Variants in SOX6 observed in about 807,000 individuals in gnomAD.
The protein encoded by SOX6 is SRY-box transcription factor 6.
In SOX6, 11 loss-of-function variants were observed where a neutral mutation model predicts 97.8. The ratio of observed to expected loss-of-function variants is 0.11; its 90% CI spans 0.07 to 0.19. The LOEUF (loss-of-function observed/expected upper bound fraction) is 0.19, where lower values mean the gene tolerates loss of function less well. Ranked by LOEUF, SOX6 falls within the 10% of genes least tolerant of loss-of-function variation. SOX6 has a pLI of 1.00. For synonymous variants in SOX6, 360 were observed against 371.4 expected (o/e 0.97, Z 0.35); for missense variants, 810 against 1,039.5 (o/e 0.78, Z 3.04).
At chr11:16,497,079 A>C (rs769818948) in intron 4 of SOX6, among the ~76,000 whole-genome samples, 3 of 152,160 alleles carry the variant, frequency 2.0e-5, no homozygotes, top group Admixed American at 6.5e-5. Flanking sequence ...GTAGGGGCAG[A>C]CTGACACCTC....
chr11:16,047,071 GT>G (rs1417295525), intron 11 of SOX6, among the ~76,000 whole-genome samples: 4 of 152,118 alleles, frequency 2.6e-5, no homozygotes, highest in Non-Finnish European at 5.9e-5. Flanking sequence ...GGAGGAAGGG[GT>G]TGAGGAGTGG....
chr11:16,273,223 A>T (rs957133605), intron 3 of SOX6, among the ~76,000 whole-genome samples: 5 of 151,972 alleles, frequency 3.3e-5, no homozygotes, highest in Admixed American at 3.3e-4. Flanking sequence ...AGAAATAGAG[A>T]TGATGTGCGT....
intron 1 of SOX6, among the ~76,000 whole-genome samples, chr11:16,453,866 G>A (rs1859764889): frequency 6.6e-6 from 1 of 152,100 alleles, no homozygotes; most frequent in African/African-American, 2.4e-5. Context: ...GCCACACATT[G>A]CTGAAATTAC....
chr11:16,402,252 C>A (rs1858578900), intron 1 of SOX6, among the ~76,000 whole-genome samples: 1 of 151,598 alleles, frequency 6.6e-6, no homozygotes, highest in Non-Finnish European at 1.5e-5. Context: ...ACTATTGCAG[C>A]AACATCTAAA....
At chr11:16,030,268 A>T (rs1009866921) in intron 12 of SOX6, among the ~76,000 whole-genome samples, 3 of 152,226 alleles carry the variant, frequency 2.0e-5, no homozygotes, top group Admixed American at 2.0e-4. Flanking sequence ...TAGGTTTGAA[A>T]TATTAGTCTT....
In SOX6 at chr11:16,546,497, G is replaced by C. The variant is rs530709313; in HGVS notation, n.609+65584C>G. 5.3e-5 allele frequency among the ~76,000 whole-genome samples: 8 copies of C among 152,156 alleles called. No homozygotes were observed. In the East Asian group the frequency reaches 1.5e-3, roughly 29 times the overall value. On this transcript the variant is annotated intron_variant and non_coding_transcript_variant, in intron 4 of 5. Transcript: ENST00000524520. ...CACTAATTTTCGACAAAGGTGCCAA[G>C]AACATGCACTGGGGAAAGGACACCC... is the stretch of plus-strand genomic sequence containing the variant.
At chr11:16,571,881 G>C (rs1309865825) in intron 4 of SOX6, among the ~76,000 whole-genome samples, 1 of 152,150 alleles carries the variant, frequency 6.6e-6, no homozygotes, top group African/African-American at 2.4e-5. Context: ...TCAAACTCCT[G>C]ACCTCAAGTG....
In SOX6 at chr11:16,049,936, A is replaced by T. The variant is rs201737129; in HGVS notation, c.1254T>A (p.Asp418Glu). The change falls in exon 11 of 16, where the codon GAT becomes GAA. Residue 418 changes from aspartate to glutamate, a missense_variant and splice_region_variant. This residue lies in a region of SOX6 where 244 missense variants were observed against 261.0 expected (regional missense o/e 0.93). Transcript: ENST00000683767. ...RGTSPVTQVK[D>E]EAAAQPLNLS... ...GATTCAGAGGCTGTGCTGCTGCTTC[A>T]TCCTACAAGAGTTTAACGTAAATAA... 1.2e-6 allele frequency: 2 copies of T among 1,613,708 alleles called. No individual in the cohort carries two copies. Among genetic ancestry groups the T allele is most frequent in the Non-Finnish European group, 1.7e-6 (2 of 1,179,724 alleles).
chr11:16,610,566 C>T lies in SOX6; in HGVS notation n.609+1515G>A, dbSNP rs1454872916. ...CGATGAACCTTCCGAAAAGGAGCCG[C>T]AGGAACCCCTTTTAGATTTTATCTA... On this transcript the variant is annotated intron_variant and non_coding_transcript_variant, in intron 4 of 5. Transcript: ENST00000524520. This position sits in a 1 kb window ranked among gnomAD's most constrained non-coding sequence, Gnocchi z 4.4. Among the ~76,000 whole-genome samples the T allele has an allele frequency of 6.6e-6, 1 of 152,178 alleles. No homozygotes were observed. Among genetic ancestry groups the T allele is most frequent in the African/African-American group, 2.4e-5 (1 of 41,432 alleles).
At chr11:16,019,161 G>A (rs1460760047) in intron 12 of SOX6, among the ~76,000 whole-genome samples, 1 of 152,108 alleles carries the variant, frequency 6.6e-6, no homozygotes, top group Admixed American at 6.6e-5. Context: ...TACCAAGACT[G>A]ACCAGTGTGT....
intron 3 of SOX6, among the ~76,000 whole-genome samples, chr11:16,277,035 T>A (rs1390290887): frequency 6.6e-6 from 1 of 152,158 alleles, no homozygotes; most frequent in Non-Finnish European, 1.5e-5. Context: ...CAAAGAACAC[T>A]TTAGTGGGAG....
chr11:16,388,151 G>C (rs556609315), intron 1 of SOX6, among the ~76,000 whole-genome samples: 2 of 152,136 alleles, frequency 1.3e-5, no homozygotes, highest in African/African-American at 4.8e-5. Flanking sequence ...AATTATTAAT[G>C]GGTGTGGTCA....
chr11:16,637,974 G>A (rs201561574), intron 3 of SOX6, among the ~76,000 whole-genome samples: 4 of 147,322 alleles, frequency 2.7e-5, no homozygotes, highest in Non-Finnish European at 6.0e-5. Context: ...CAGGTTTCTT[G>A]CATATGTATA....
At chr11:16,169,511 A>T (rs1031086926) in intron 6 of SOX6, among the ~76,000 whole-genome samples, 17 of 152,076 alleles carry the variant, frequency 1.1e-4, no homozygotes, top group Non-Finnish European at 1.2e-4. Flanking sequence ...AGTCTTTTTT[A>T]AAAAATATGA....
At chr11:16,005,553 C>G in intron 13 of SOX6, among the ~76,000 whole-genome samples, 1 of 151,926 alleles carries the variant, frequency 6.6e-6, no homozygotes, top group African/African-American at 2.4e-5. Flanking sequence ...TTTTCTTCTT[C>G]CCCACTAACA....
chr11:16,081,593 G>C (rs543346738), intron 9 of SOX6, among the ~76,000 whole-genome samples: 1 of 152,082 alleles, frequency 6.6e-6, no homozygotes, highest in African/African-American at 2.4e-5. Context: ...TATTTATGTC[G>C]CTATGCAGCT....
upstream of SOX6, among the ~76,000 whole-genome samples, chr11:16,359,784 A>T (rs1023085015): frequency 5.3e-5 from 8 of 152,198 alleles, no homozygotes; most frequent in Non-Finnish European, 8.8e-5. Context: ...AGTTATACTA[A>T]TAAAAATAAC....
intron 1 of SOX6, among the ~76,000 whole-genome samples, chr11:16,456,007 G>T (rs183907446): frequency 1.3e-5 from 2 of 151,914 alleles, no homozygotes; most frequent in Admixed American, 1.3e-4. Context: ...CCCCAAATCA[G>T]CCATAATGTG....
Position 16,150,843 on chromosome 11 carries a change from A to G in SOX6, c.777+33043T>C, listed in dbSNP as rs567594503. 5.1e-4 allele frequency among the ~76,000 whole-genome samples: 77 copies of G among 152,330 alleles called. 1 individual carries two copies. The highest frequency in any genetic ancestry group is 1.6e-3 in the African/African-American group (66 of 41,582). On this transcript the variant is annotated intron_variant, in intron 6 of 15. Transcript: ENST00000683767. ...GCATTTCTTCTAGCTCCTGACAAGA[A>G]GTCACATTCTATAACTAATTAAATT... is the stretch of plus-strand genomic sequence containing the variant.
Sources: allele counts gnomAD v4.1 joint callset (sites outside exome capture counted in the v4.1 genomes callset), GRCh38; gene constraint gnomAD v4.1.1; regional missense constraint gnomAD v4.1.1; non-coding constraint Gnocchi (gnomAD v3.1); transcripts MANE v1.5; gene names NCBI Gene and HGNC (gene_info 2026-07-23, HGNC 2026-07-21).